Variants in IL1RAPL2 observed in about 807,000 individuals in gnomAD.
IL1RAPL2 encodes X-linked interleukin-1 receptor accessory protein-like 2.
IL1RAPL2 carries 3 observed loss-of-function variants against 44.1 expected under a neutral mutation model. The ratio of observed to expected loss-of-function variants is 0.07; its 90% CI spans 0.03 to 0.18. IL1RAPL2 has a LOEUF of 0.18. Ranked by LOEUF, IL1RAPL2 falls within the 10% of genes least tolerant of loss-of-function variation. The pLI is 1.00. For synonymous variants in IL1RAPL2, 181 were observed against 178.8 expected (o/e 1.01, Z -0.10); for missense variants, 391 against 496.4 (o/e 0.79, Z 2.02).
intron 8 of IL1RAPL2, among the ~76,000 whole-genome samples, chrX:105,742,058 C>T (rs1427787581): frequency 9.0e-6 from 1 of 111,381 alleles, no homozygotes; most frequent in Non-Finnish European, 1.9e-5. Flanking sequence ...AGTCTTATTT[C>T]GGGCTTAGAG....
At chrX:105,401,638 T>C (rs1006424265) in intron 5 of IL1RAPL2, among the ~76,000 whole-genome samples, 20 of 110,589 alleles carry the variant, frequency 1.8e-4, no homozygotes, top group Middle Eastern at 4.7e-3. Flanking sequence ...TGATTTTCTT[T>C]ATGAAGCCAT....
chrX:105,759,434 A>G (rs1331570805), intron 10 of IL1RAPL2, among the ~76,000 whole-genome samples: 1 of 112,357 alleles, frequency 8.9e-6, no homozygotes, highest in East Asian at 2.8e-4. Flanking sequence ...ATTTATAGAA[A>G]GACTATGAGG....
chrX:105,333,042 G>A (rs762061613), intron 5 of IL1RAPL2, among the ~76,000 whole-genome samples: 1 of 111,290 alleles, frequency 9.0e-6, no homozygotes, highest in Admixed American at 9.6e-5. Flanking sequence ...AACCACAAAA[G>A]ACCCAGAATA....
intron 2 of IL1RAPL2, among the ~76,000 whole-genome samples, chrX:105,166,309 C>T (rs968293680): frequency 2.7e-5 from 3 of 110,639 alleles, no homozygotes; most frequent in Non-Finnish European, 5.7e-5. Flanking sequence ...TATAGGTGCT[C>T]GATAAATGTT....
chrX:104,916,751 G>C (rs71510576), intron 2 of IL1RAPL2, among the ~76,000 whole-genome samples: 79 of 111,076 alleles, frequency 7.1e-4, no homozygotes, highest in East Asian at 2.3e-3. Flanking sequence ...CCATCAGTAC[G>C]TAATTTCTTG....
intron 2 of IL1RAPL2, among the ~76,000 whole-genome samples, chrX:104,682,368 T>G (rs1019202754): frequency 8.9e-6 from 1 of 112,508 alleles, no homozygotes; most frequent in African/African-American, 3.2e-5. Context: ...CATAGGTGAC[T>G]GCTTTGTTAA....
chrX:104,697,462 TAAG>T (rs1931201062), intron 2 of IL1RAPL2, among the ~76,000 whole-genome samples: 1 of 112,287 alleles, frequency 8.9e-6, no homozygotes, highest in African/African-American at 3.2e-5. Flanking sequence ...AACAGTAAAA[TAAG>T]AAGGCAGTTT....
At chrX:105,178,229 G>A (rs747945473) in intron 2 of IL1RAPL2, among the ~76,000 whole-genome samples, 5 of 110,918 alleles carry the variant, frequency 4.5e-5, no homozygotes, top group Admixed American at 9.6e-5. Flanking sequence ...AACATGTGAC[G>A]TTTGACATTC....
chrX:104,935,263 C>T (rs1924999757), intron 2 of IL1RAPL2, among the ~76,000 whole-genome samples: 1 of 111,601 alleles, frequency 9.0e-6, no homozygotes, highest in South Asian at 3.7e-4. Context: ...TTTTAAATTC[C>T]ATTACTTTGC....
chrX:105,634,109 C>G (rs1319066226), intron 6 of IL1RAPL2, among the ~76,000 whole-genome samples: 1 of 111,234 alleles, frequency 9.0e-6, no homozygotes, highest in African/African-American at 3.3e-5. Context: ...TCTTCTACTT[C>G]CCTTATTTGC....
At chrX:104,620,639 C>CTAAA (rs1929373523) in intron 1 of IL1RAPL2, among the ~76,000 whole-genome samples, 1 of 14,585 alleles carries the variant, frequency 6.9e-5, no homozygotes, top group Non-Finnish European at 1.3e-4. Flanking sequence ...GAGTCTGTCT[C>CTAAA]AAAAAAAAAA....
chrX:104,660,559 TATTTATATATATAAAATATATAA>T (rs2148024251), intron 2 of IL1RAPL2, among the ~76,000 whole-genome samples: 1 of 94,516 alleles, frequency 1.1e-5, no homozygotes, highest in Admixed American at 1.3e-4. Flanking sequence ...ATTTTATATA[TATTTATATATATAAAATATATAA>T]ATATATATAT....
intron 1 of IL1RAPL2, among the ~76,000 whole-genome samples, chrX:104,601,112 G>A (rs1001444353): frequency 6.3e-5 from 7 of 111,736 alleles, no homozygotes; most frequent in Non-Finnish European, 7.5e-5. Flanking sequence ...GATATGATAT[G>A]CAAACCATGG....
chrX:104,602,101 C>A (rs192757057), intron 1 of IL1RAPL2, among the ~76,000 whole-genome samples: 2 of 111,589 alleles, frequency 1.8e-5, no homozygotes, highest in Admixed American at 1.9e-4. Flanking sequence ...GACACAGAGA[C>A]GGGTGATTTC....
chrX:105,642,284 G>C (rs897991041), intron 6 of IL1RAPL2, among the ~76,000 whole-genome samples: 13 of 111,678 alleles, frequency 1.2e-4, no homozygotes, highest in Non-Finnish European at 1.9e-4. Flanking sequence ...TTCTGGTTTT[G>C]TGCATCATAC....
chrX:105,137,638 T>C (rs2033088357), intron 2 of IL1RAPL2, among the ~76,000 whole-genome samples: 1 of 112,397 alleles, frequency 8.9e-6, no homozygotes, highest in South Asian at 3.7e-4. Context: ...TGAGGGTTTC[T>C]TCTTCATTTT....
intron 2 of IL1RAPL2, among the ~76,000 whole-genome samples, chrX:105,122,901 C>T (rs753280183): frequency 1.8e-5 from 2 of 111,039 alleles, no homozygotes; most frequent in Non-Finnish European, 3.8e-5. Context: ...CTGTTCTGTA[C>T]AGGGCCCAGG....
At chrX:105,332,016 T>G (rs1299633925) in intron 5 of IL1RAPL2, among the ~76,000 whole-genome samples, 1 of 109,446 alleles carries the variant, frequency 9.1e-6, no homozygotes, top group Non-Finnish European at 1.9e-5. Context: ...CCAGCACAAG[T>G]GACAACAAGT....
intron 2 of IL1RAPL2, among the ~76,000 whole-genome samples, chrX:104,917,515 A>G (rs1924492316): frequency 9.0e-6 from 1 of 111,649 alleles, no homozygotes; most frequent in Non-Finnish European, 1.9e-5. Context: ...TCCCAAATTG[A>G]TTGTGGGTTC....
Sources: gnomAD v4.1 joint callset for allele counts (sites outside exome capture counted in the v4.1 genomes callset) on GRCh38, gnomAD v4.1.1 for gene constraint, MANE v1.5 for transcripts, NCBI Gene and HGNC (gene_info 2026-07-23, HGNC 2026-07-21) for gene names.